Variants in FAM118B observed in about 807,000 individuals in gnomAD.
The protein encoded by FAM118B is SIR2 antiphage like 1.
A neutral mutation model predicts 38.5 loss-of-function variants in FAM118B; 24 were observed. That is an observed-to-expected ratio of 0.62 (90% CI 0.45 to 0.88). The LOEUF is 0.88. Ranked by LOEUF, FAM118B falls within the 40% of genes least tolerant of loss-of-function variation. FAM118B has a pLI of 0.00. For missense variants in FAM118B, 334 were observed against 420.0 expected (o/e 0.80, Z 1.79); for synonymous variants, 138 against 156.3 (o/e 0.88, Z 0.87).
intron 2 of FAM118B, among the ~76,000 whole-genome samples, chr11:126,232,358 C>T (rs1287906043): frequency 6.6e-6 from 1 of 152,156 alleles, no homozygotes; most frequent in Non-Finnish European, 1.5e-5. Context: ...TCAGTTTTCT[C>T]ATCTGTAAAA....
intron 7 of FAM118B, among the ~76,000 whole-genome samples, chr11:126,258,276 G>T (rs1220530127): frequency 6.6e-6 from 1 of 152,024 alleles, no homozygotes; most frequent in Non-Finnish European, 1.5e-5. Flanking sequence ...TAGTCCAGCT[G>T]CTTGGGAGGT....
chr11:126,239,718 T>C (rs1950330514), intron 3 of FAM118B, among the ~76,000 whole-genome samples: 1 of 152,218 alleles, frequency 6.6e-6, no homozygotes, highest in African/African-American at 2.4e-5. Context: ...TTCACCATGT[T>C]GGCCAGGCTG....
intron 4 of FAM118B, 177 bp downstream of exon 4, chr11:126,241,221 C>T (rs1022438345): frequency 3.3e-6 from 2 of 605,078 alleles, no homozygotes; most frequent in Non-Finnish European, 5.5e-6. Flanking sequence ...GGACCCTACT[C>T]AGGACAGTTG....
chr11:126,237,330 C>T (rs1950289537), intron 3 of FAM118B, among the ~76,000 whole-genome samples: 1 of 144,402 alleles, frequency 6.9e-6, no homozygotes. Flanking sequence ...AAGCAATTCT[C>T]CTGCCTCAGC....
intron 1 of FAM118B, among the ~76,000 whole-genome samples, chr11:126,215,424 C>T (rs1382199815): frequency 6.6e-6 from 1 of 152,150 alleles, no homozygotes; most frequent in Non-Finnish European, 1.5e-5. Flanking sequence ...TCTGGCCAGG[C>T]GCGGTGGCTT....
In FAM118B at chr11:126,252,552, G is replaced by A. The variant is rs1435265623; in HGVS notation, c.568-1753G>A. Among the ~76,000 whole-genome samples, 1 of 151,934 alleles carries A rather than the reference G, an allele frequency of 6.6e-6. No individual in the cohort carries two copies. The highest frequency in any genetic ancestry group is 1.9e-4 in the East Asian group (1 of 5,160). On this transcript the variant is annotated intron_variant, in intron 5 of 8. Transcript: ENST00000533050. The surrounding 1 kb of genome is among the most constrained non-coding windows in gnomAD (Gnocchi z 4.7). The stretch of plus-strand genomic sequence containing the variant: ...CTTGAGCCTAGTTCAAGACCAACCT[G>A]GGCATCATAGCAAGACCCCATCTCT...
chr11:126,233,470 A>C (rs1227655604), intron 2 of FAM118B: 1 of 268,562 alleles, frequency 3.7e-6, no homozygotes, highest in African/African-American at 2.3e-5. Flanking sequence ...GGGCAACAAG[A>C]GCAAAACTCT....
chr11:126,215,032 A>G (rs1196014179), intron 1 of FAM118B, among the ~76,000 whole-genome samples: 1 of 152,208 alleles, frequency 6.6e-6, no homozygotes, highest in Non-Finnish European at 1.5e-5. Flanking sequence ...TTATGGTTTT[A>G]GAGAGATTAA....
At chr11:126,217,924 TTTTG>T (rs1239258294) in intron 1 of FAM118B, among the ~76,000 whole-genome samples, 1 of 152,162 alleles carries the variant, frequency 6.6e-6, no homozygotes, top group Non-Finnish European at 1.5e-5. Flanking sequence ...CGTGACCGTA[TTTTG>T]TTTGTTTTCT....
At chr11:126,223,097 C>CG (rs1950086166) in intron 1 of FAM118B, among the ~76,000 whole-genome samples, 1 of 7,128 alleles carries the variant, frequency 1.4e-4, no homozygotes. Flanking sequence ...TGAGGTGGGG[C>CG]GGGGGAGGGG....
Position 126,235,015 on chromosome 11 carries a change from G to A in FAM118B, c.14G>A (p.Gly5Glu), listed in dbSNP as rs767419531. 1 of 1,614,020 alleles carries A rather than the reference G, an allele frequency of 6.2e-7. No homozygotes were observed. Among genetic ancestry groups the A allele is most frequent in the Non-Finnish European group, 8.5e-7 (1 of 1,179,956 alleles). The change falls in exon 3 of 9, where the codon GGG (glycine) becomes GAG (glutamate). Residue 5 changes from glycine to glutamate, a missense_variant. Physicochemically the swap from Gly to Glu is moderately conservative, Grantham distance 98 (BLOSUM62 -2). This residue lies in a region of FAM118B where 240 missense variants were observed against 295.9 expected (regional missense o/e 0.81). Transcript: ENST00000533050. MASTGSQASDIDEIF... is the reference protein window; with the variant it reads MASTESQASDIDEIF... ...TTTAGAAACTGGATGGCTTCTACAG[G>A]GAGCCAGGCCTCTGATATAGACGAG...
At chr11:126,227,052 A>G (rs1287262848) in intron 1 of FAM118B, among the ~76,000 whole-genome samples, 1 of 145,476 alleles carries the variant, frequency 6.9e-6, no homozygotes, top group Non-Finnish European at 1.5e-5. Context: ...CAAACAATAC[A>G]AGCTTCTTTT....
At position 126,262,132 on chromosome 11, in the gene FAM118B, G is replaced by A; in HGVS notation, c.1055G>A (p.Ter352=). 1.2e-6 allele frequency: 2 copies of A among 1,614,034 alleles called. No homozygotes were observed. Among genetic ancestry groups the A allele is most frequent in the Non-Finnish European group, 1.7e-6 (2 of 1,179,988 alleles). The change falls in exon 9 of 9, where the codon TGA becomes TAA. Residue 352 remains the stop codon, a stop_retained_variant. Transcript: ENST00000533050. The part of the protein sequence containing the change: ...AHSEIRGCST[*] Reference sequence around the variant, plus strand: ...TTTCTCCCTACAGGCTGTAGTACATGAGCGAGCTAGAGAAATCACCACCGT... The same window carrying A: ...TTTCTCCCTACAGGCTGTAGTACATAAGCGAGCTAGAGAAATCACCACCGT...
chr11:126,256,620 C>G lies in FAM118B; in HGVS notation c.750C>G (p.Gly250=). The G allele has an allele frequency of 3.1e-6, 5 of 1,614,180 alleles. No homozygotes were observed. In the South Asian group the frequency reaches 5.5e-5, roughly 18 times the overall value. ...AGTCATTTCTTTTCCTGGGCTGTGG[C>G]TGGACTGTGGATGACACCACTTTCC... The part of the protein sequence containing the change: ...ENKSFLFLGC[G]WTVDDTTFQA... The change falls in exon 7 of 9, where the codon GGC becomes GGG. Residue 250 remains glycine, a synonymous_variant. Coordinates refer to ENST00000533050, the MANE Select transcript of FAM118B (RefSeq NM_024556.4). This position sits in a 1 kb window ranked among gnomAD's most constrained non-coding sequence, Gnocchi z 6.6.
rs1401521169 is a variant in FAM118B, at chr11:126,262,381, C to G, written c.*248C>G. 2 of 561,190 alleles carry G rather than the reference C, an allele frequency of 3.6e-6. No homozygotes were observed. Among genetic ancestry groups the G allele is most frequent in the Admixed American group, 3.2e-5 (1 of 30,976 alleles). 34.8% of individuals were successfully genotyped at this position (561,190 alleles called of 1,614,324 possible). ...AGCAGGACCCAAATGCAGCTCCCAACCCACTCCCCAGGCTAGACATGCTTG... is the reference window on the plus strand; with the variant it reads ...AGCAGGACCCAAATGCAGCTCCCAAGCCACTCCCCAGGCTAGACATGCTTG... On this transcript the variant is annotated 3_prime_UTR_variant, in exon 9 of 9. Transcript: ENST00000533050.
Position 126,235,088 on chromosome 11 carries a change from G to A in FAM118B, c.86+1G>A, listed in dbSNP as rs1472615549. On this transcript the variant is annotated splice_donor_variant, in intron 3 of 8. Transcript: ENST00000533050. LOFTEE classifies it high-confidence loss of function. The stretch of plus-strand genomic sequence containing the variant: ...GCGAACCTCCCACCAAAAAGCCCAG[G>A]TAAACAAGAGAAGGGAATCAGCAGA... The A allele has an allele frequency of 1.9e-6, 3 of 1,613,580 alleles. No individual in the cohort carries two copies. Among genetic ancestry groups the A allele is most frequent in the Non-Finnish European group, 2.5e-6 (3 of 1,179,742 alleles).
chr11:126,240,815 C>CG lies in FAM118B; in HGVS notation c.110_111insG (p.Lys38Ter), dbSNP rs1419909289. 1 of 1,606,660 alleles carries CG rather than the reference C, an allele frequency of 6.2e-7. No homozygotes were observed. Among genetic ancestry groups the CG allele is most frequent in the Non-Finnish European group, 8.5e-7 (1 of 1,177,308 alleles). ...AGGAAGCTGCTTCCAAGCTTAAAAA[C>CG]TAAGAAGCCTCGAGAACTTGTGCTA... On this transcript the variant is annotated frameshift_variant, in exon 4 of 9. Coordinates refer to ENST00000533050, the MANE Select transcript of FAM118B (RefSeq NM_024556.4). LOFTEE classifies it high-confidence loss of function.
intron 1 of FAM118B, 32 bp downstream of exon 1, chr11:126,211,862 G>A: frequency 1.8e-6 from 1 of 552,444 alleles, no homozygotes; most frequent in South Asian, 2.4e-5. Context: ...GCTGGGGCTG[G>A]GAAATGCCGG....
At chr11:126,218,298 C>T (rs2135125456) in intron 1 of FAM118B, among the ~76,000 whole-genome samples, 1 of 152,306 alleles carries the variant, frequency 6.6e-6, no homozygotes, top group African/African-American at 2.4e-5. Context: ...GATGTGTCTT[C>T]CCTCAGATAT....
Sources: allele counts gnomAD v4.1 joint callset (sites outside exome capture counted in the v4.1 genomes callset), GRCh38; gene constraint gnomAD v4.1.1; regional missense constraint gnomAD v4.1.1; non-coding constraint Gnocchi (gnomAD v3.1); transcripts MANE v1.5; gene names NCBI Gene and HGNC (gene_info 2026-07-23, HGNC 2026-07-21).